Variants in AASDH observed in about 807,000 individuals in gnomAD.
AASDH encodes the protein beta-alanine-activating enzyme.
Under a neutral mutation model 102.3 loss-of-function variants are expected in AASDH, and 81 were observed. The ratio of observed to expected loss-of-function variants is 0.79; its 90% CI spans 0.66 to 0.95. AASDH has a LOEUF of 0.95. AASDH is among the 40% of genes least tolerant of loss of function. AASDH has a pLI of 0.00. For missense variants in AASDH, 1,203 were observed against 1,266.2 expected (o/e 0.95, Z 0.76); for synonymous variants, 398 against 454.0 (o/e 0.88, Z 1.57).
intron 11 of AASDH, among the ~76,000 whole-genome samples, chr4:56,346,708 T>C (rs960252167): frequency 2.0e-5 from 3 of 152,168 alleles, no homozygotes; most frequent in African/African-American, 7.2e-5. Flanking sequence ...AAGATTTCAA[T>C]AGACACTTCA....
chr4:56,341,742 A>G (rs1323150503), intron 14 of AASDH, among the ~76,000 whole-genome samples: 2 of 151,978 alleles, frequency 1.3e-5, no homozygotes, highest in Admixed American at 6.6e-5. Context: ...CCAGGCCCAA[A>G]AAGACAAATA....
chr4:56,384,368 G>C, intron 1 of AASDH, 27 bp from the exon 2 acceptor site: 4 of 1,434,112 alleles, frequency 2.8e-6, no homozygotes, highest in Non-Finnish European at 3.9e-6. Flanking sequence ...GTGTTAGGGG[G>C]AGAGGGAGTT....
At position 56,384,164 on chromosome 4, in the gene AASDH, A is replaced by T. The variant is rs1365576577; in HGVS notation, c.136T>A (p.Ser46Thr). The change falls in exon 2 of 15, where the codon TCA becomes ACA. Residue 46 changes from serine (S) to threonine (T), a missense_variant. Ser to Thr is a moderately conservative substitution (Grantham distance 58). Transcript: ENST00000205214. Reference sequence around the variant, plus strand: ...TCACAGTGTAACAGCAGAAAATTTGATAATTCAGAAGCAGCATTAACCACA... The same window carrying T: ...TCACAGTGTAACAGCAGAAAATTTGTTAATTCAGAAGCAGCATTAACCACA... ...KTVVNAASELSNFLLLHCDFQ... is the reference protein window; with the variant it reads ...KTVVNAASELTNFLLLHCDFQ... The T allele has an allele frequency of 6.2e-7, 1 of 1,614,188 alleles. No individual in the cohort carries two copies. Among genetic ancestry groups the T allele is most frequent in the Admixed American group, 1.7e-5 (1 of 60,020 alleles).
At position 56,384,343 on chromosome 4, in the gene AASDH, T is replaced by C; in HGVS notation, c.-42-2A>G. 2 of 1,571,520 alleles carry C rather than the reference T, an allele frequency of 1.3e-6. No individual in the cohort carries two copies. The highest frequency in any genetic ancestry group is 2.7e-5 in the African/African-American group (2 of 74,120). ...AACATCAATTTGTAGCACAGAACCC[T>C]GTGTATATACAGAAGTGTTAGGGGG... On this transcript the variant is annotated splice_acceptor_variant, in intron 1 of 14. Coordinates refer to ENST00000205214, the MANE Select transcript of AASDH (RefSeq NM_181806.4). LOFTEE classifies it low-confidence loss of function (5UTR_SPLICE).
At chr4:56,341,483 C>T (rs1386100646) in intron 14 of AASDH, among the ~76,000 whole-genome samples, 1 of 148,152 alleles carries the variant, frequency 6.7e-6, no homozygotes, top group Non-Finnish European at 1.5e-5. Flanking sequence ...ACCTCCACCT[C>T]CCGGGTTCCA....
chr4:56,369,958 A>AC (rs1373417715), intron 5 of AASDH, among the ~76,000 whole-genome samples: 14 of 150,262 alleles, frequency 9.3e-5, no homozygotes, highest in South Asian at 2.1e-4. Context: ...AAAAAAAAAA[A>AC]AAAAACAGAC....
At position 56,349,644 on chromosome 4, in the gene AASDH, A is replaced by G; in HGVS notation, c.2107T>C (p.Ser703Pro). 2 of 1,614,222 alleles carry G rather than the reference A, an allele frequency of 1.2e-6. No homozygotes were observed. The highest frequency in any genetic ancestry group is 1.7e-6 in the Non-Finnish European group (2 of 1,180,042). ...TRFLTKLGHC[S>P]SACPSDSVSQ... ...ACTGAGTCAGAAGGACAGGCTGAAG[A>G]GCAATGTCCTAACTTTGTTAAAAAC... is the stretch of plus-strand genomic sequence containing the variant. The change falls in exon 11 of 15, where the codon TCT becomes CCT. Residue 703 changes from serine (S) to proline (P), a missense_variant. Transcript: ENST00000205214.
intron 13 of AASDH, 80 bp from the exon 14 acceptor site, chr4:56,343,046 C>T: frequency 7.6e-7 from 1 of 1,318,500 alleles, no homozygotes; most frequent in Non-Finnish European, 9.9e-7. Context: ...ACTCATACAT[C>T]TCCTAGGGTT....
rs770984557 is a variant in AASDH at position 56,384,184 on chromosome 4, A to G, written c.116T>C (p.Val39Ala). 2 of 1,614,122 alleles carry G rather than the reference A, an allele frequency of 1.2e-6. No homozygotes were observed. The change falls in exon 2 of 15, where the codon GTT becomes GCT. Residue 39 changes from valine to alanine, a missense_variant. By Grantham distance (64) the Val-to-Ala change is moderately conservative. Transcript: ENST00000205214. ...ATTTGATAATTCAGAAGCAGCATTAACCACAGTCTTGTAGGTGTAGTAAAC... is the reference window on the plus strand; with the variant it reads ...ATTTGATAATTCAGAAGCAGCATTAGCCACAGTCTTGTAGGTGTAGTAAAC... Reference protein sequence around the residue: ...LPVYYTYKTVVNAASELSNFL... With the variant: ...LPVYYTYKTVANAASELSNFL...
chr4:56,343,490 C>A, intron 13 of AASDH, 72 bp downstream of exon 13: 1 of 1,326,094 alleles, frequency 7.5e-7, no homozygotes, highest in Non-Finnish European at 1.0e-6. Context: ...CTCAAACTTT[C>A]AAAGCTCAAA....
Position 56,355,399 on chromosome 4 carries a change from A to AT in AASDH, c.885dup (p.Phe296IlefsTer25). The AT allele has an allele frequency of 6.2e-7, 1 of 1,613,876 alleles. No homozygotes were observed. The highest frequency in any genetic ancestry group is 2.2e-5 in the East Asian group (1 of 44,866). The stretch of plus-strand genomic sequence containing the variant: ...GTTGACTTGATAAGCTGAGATCCAA[A>AT]TCTTCTAAGCAATGTTGGTGTTGCC... On this transcript the variant is annotated frameshift_variant, in exon 6 of 15. Coordinates refer to ENST00000205214, the MANE Select transcript of AASDH (RefSeq NM_181806.4). LOFTEE classifies it high-confidence loss of function.
chr4:56,359,794 T>G (rs558193323), intron 5 of AASDH, among the ~76,000 whole-genome samples: 3 of 150,554 alleles, frequency 2.0e-5, no homozygotes, highest in African/African-American at 7.3e-5. Flanking sequence ...CCTGACCTCA[T>G]GATCCACCCG....
intron 14 of AASDH, among the ~76,000 whole-genome samples, chr4:56,341,486 G>A (rs1221991059): frequency 3.6e-5 from 5 of 137,468 alleles, no homozygotes; most frequent in East Asian, 4.3e-4. Flanking sequence ...TCCACCTCCC[G>A]GGTTCCAGCG....
intron 4 of AASDH, among the ~76,000 whole-genome samples, chr4:56,372,689 G>A (rs1751876556): frequency 6.6e-6 from 1 of 152,194 alleles, no homozygotes; most frequent in Non-Finnish European, 1.5e-5. Flanking sequence ...TGTGTTAAAG[G>A]TGTAGGGGCC....
intron 5 of AASDH, among the ~76,000 whole-genome samples, chr4:56,363,387 G>C (rs980303806): frequency 2.0e-5 from 3 of 152,234 alleles, no homozygotes; most frequent in Non-Finnish European, 2.9e-5. Context: ...GGTTCTCCCA[G>C]CATGCAGCTT....
chr4:56,367,987 T>C (rs1751228714), intron 5 of AASDH, among the ~76,000 whole-genome samples: 1 of 151,868 alleles, frequency 6.6e-6, no homozygotes, highest in Admixed American at 6.6e-5. Context: ...AGGGCTAATA[T>C]CCAGAATCTA....
At position 56,382,508 on chromosome 4, in the gene AASDH, T is replaced by C; in HGVS notation, c.320A>G (p.Lys107Arg). The C allele has an allele frequency of 6.3e-7, 1 of 1,596,262 alleles. No individual in the cohort carries two copies. Residue 107 changes from lysine to arginine, a missense_variant, in exon 3 of 15, where the codon AAG becomes AGG. By Grantham distance (26) the Lys-to-Arg change is conservative. Coordinates refer to ENST00000205214, the MANE Select transcript of AASDH (RefSeq NM_181806.4). ...TTGTTTTTTTTCAACAAGGATATAC[T>C]TTAGATTACATTTTTTCATAAAATG... ...STHFMKKCNL[K>R]YILVEKKQIN...
intron 1 of AASDH, among the ~76,000 whole-genome samples, chr4:56,386,279 T>G (rs988142245): frequency 2.0e-5 from 3 of 152,196 alleles, no homozygotes; most frequent in Non-Finnish European, 4.4e-5. Context: ...TTATGAGGAA[T>G]GAGTTCATTT....
At chr4:56,374,367 CAGAAA>C (rs1349758035) in intron 4 of AASDH, among the ~76,000 whole-genome samples, 1 of 110,220 alleles carries the variant, frequency 9.1e-6, no homozygotes, top group African/African-American at 3.3e-5. Context: ...GACTCTGTCT[CAGAAA>C]AAAAAAAAAA....
Sources: gnomAD v4.1 joint callset for allele counts (sites outside exome capture counted in the v4.1 genomes callset) on GRCh38, gnomAD v4.1.1 for gene constraint, MANE v1.5 for transcripts, NCBI Gene and HGNC (gene_info 2026-07-23, HGNC 2026-07-21) for gene names.